Variants in RGS6 observed in about 807,000 individuals in gnomAD.
RGS6 encodes regulator of G-protein signaling 6.
A neutral mutation model predicts 78.5 loss-of-function variants in RGS6; 30 were observed. The ratio of observed to expected loss-of-function variants is 0.38; its 90% CI spans 0.29 to 0.52. The LOEUF (loss-of-function observed/expected upper bound fraction) is 0.52, where lower values mean the gene tolerates loss of function less well. RGS6 is among the 20% of genes least tolerant of loss of function. The pLI is 0.85. For synonymous variants in RGS6, 206 were observed against 206.0 expected (o/e 1.00, Z 0.00); for missense variants, 495 against 609.7 (o/e 0.81, Z 1.98).
chr14:72,031,982 C>T (rs1002697118), intron 2 of RGS6, among the ~76,000 whole-genome samples: 6 of 152,268 alleles, frequency 3.9e-5, no homozygotes, highest in Admixed American at 2.6e-4. Flanking sequence ...ACCATTCCTC[C>T]ACACTGCTCC....
At chr14:72,343,731 T>C (rs544958791) in intron 2 of RGS6, among the ~76,000 whole-genome samples, 1 of 152,208 alleles carries the variant, frequency 6.6e-6, no homozygotes, top group Non-Finnish European at 1.5e-5. Context: ...TGGAGCCAGC[T>C]CTGGTTCATG....
upstream of RGS6, among the ~76,000 whole-genome samples, chr14:71,931,056 C>T (rs2087822934): frequency 7.1e-6 from 1 of 141,606 alleles, no homozygotes; most frequent in Middle Eastern, 5.3e-3. Flanking sequence ...TAGTTGCTAC[C>T]TTTCGCTCCA....
At chr14:72,334,128 T>C (rs1184544468) in intron 2 of RGS6, among the ~76,000 whole-genome samples, 1 of 152,230 alleles carries the variant, frequency 6.6e-6, no homozygotes, top group Non-Finnish European at 1.5e-5. Flanking sequence ...ATATAATTGC[T>C]GTCCAGAAAG....
At chr14:72,188,384 C>T (rs540477217) in intron 2 of RGS6, among the ~76,000 whole-genome samples, 1 of 152,276 alleles carries the variant, frequency 6.6e-6, no homozygotes, top group African/African-American at 2.4e-5. Context: ...ACAGGCTAAC[C>T]TACCCCTTGG....
At chr14:72,052,955 T>C (rs1227633410) in intron 2 of RGS6, among the ~76,000 whole-genome samples, 5 of 39,776 alleles carry the variant, frequency 1.3e-4, no homozygotes, top group South Asian at 1.1e-3. Context: ...CTTTCTTTCT[T>C]TCTTTCTTTC....
At chr14:71,976,441 G>A (rs1386159461) in intron 2 of RGS6, among the ~76,000 whole-genome samples, 1 of 134,730 alleles carries the variant, frequency 7.4e-6, no homozygotes, top group African/African-American at 2.9e-5. Context: ...TCCCCAGAGT[G>A]TGATGTTCCC....
chr14:72,149,496 G>T (rs1228066349), intron 2 of RGS6, among the ~76,000 whole-genome samples: 1 of 152,122 alleles, frequency 6.6e-6, no homozygotes, highest in Non-Finnish European at 1.5e-5. Context: ...AAGTGGAGTG[G>T]TTGCTGTTGG....
Position 72,564,490 on chromosome 14 carries a change from T to C in RGS6, c.*2023T>C, listed in dbSNP as rs559098527. Reference sequence around the variant, plus strand: ...CTCATGTTTCAGAACAAAATTACAGTCTAAGTTCATTTGCCCCCAGCCTTG... The same window carrying C: ...CTCATGTTTCAGAACAAAATTACAGCCTAAGTTCATTTGCCCCCAGCCTTG... On this transcript the variant is annotated 3_prime_UTR_variant, in exon 18 of 18. Transcript: ENST00000553525. The C allele has an allele frequency of 2.6e-5, 4 of 152,256 alleles. No individual in the cohort carries two copies. In the East Asian group the frequency reaches 7.7e-4, roughly 29 times the overall value. 9.4% of individuals were successfully genotyped at this position (152,256 alleles called of 1,614,324 possible).
intron 3 of RGS6, among the ~76,000 whole-genome samples, chr14:72,405,056 TA>T (rs1442346344): frequency 6.6e-6 from 1 of 152,124 alleles, no homozygotes; most frequent in Non-Finnish European, 1.5e-5. Flanking sequence ...ACAGACTTTT[TA>T]AGATCAGTGT....
chr14:72,269,194 A>AC (rs76972093), intron 2 of RGS6, among the ~76,000 whole-genome samples: 21,255 of 151,910 alleles, frequency 0.14, 1,594 homozygotes, highest in East Asian at 0.21. Context: ...GCACTGTGAT[A>AC]CCCTTCTTCT....
At chr14:71,999,252 T>G (rs699358) in intron 2 of RGS6, among the ~76,000 whole-genome samples, 111,332 of 152,140 alleles carry the variant, frequency 0.73, 40,794 homozygotes, top group East Asian at 0.78. Context: ...GGTTATTTAG[T>G]TTTCAAAGTT....
intron 3 of RGS6, among the ~76,000 whole-genome samples, chr14:72,380,532 AAAG>A (rs1212791495): frequency 6.6e-6 from 1 of 152,152 alleles, no homozygotes; most frequent in Non-Finnish European, 1.5e-5. Flanking sequence ...GCATTTCTCA[AAAG>A]AAGACATACA....
At chr14:72,187,593 G>T (rs564842824) in intron 2 of RGS6, among the ~76,000 whole-genome samples, 1 of 152,254 alleles carries the variant, frequency 6.6e-6, no homozygotes, top group Non-Finnish European at 1.5e-5. Flanking sequence ...TATCAATCCA[G>T]CATGAAGGAG....
Position 72,454,419 on chromosome 14 carries a change from C to T in RGS6, c.185-109C>T, listed in dbSNP as rs537115225. 971 of 1,137,412 alleles carry T rather than the reference C, an allele frequency of 8.5e-4. 8 individuals are homozygous for T. The highest frequency in any genetic ancestry group is 5.1e-3 in the Middle Eastern group (26 of 5,130). The allele number at this position is 1,137,412 out of a possible 1,614,324, so 70.5% of individuals were successfully genotyped here. A position where few individuals can be genotyped will look rare whatever the true frequency, so the allele number is the denominator to read the frequency against. ...AAAAAAGTGCCCATATTATCCTGCT[C>T]TACAGTGTGGACTGTTTGGAATTAG... On this transcript the variant is annotated intron_variant, in intron 3 of 17. Coordinates refer to ENST00000553525, the MANE Select transcript of RGS6 (RefSeq NM_001204424.2).
chr14:72,453,586 A>C (rs1947200184), intron 3 of RGS6, among the ~76,000 whole-genome samples: 1 of 130,406 alleles, frequency 7.7e-6, no homozygotes, highest in Admixed American at 8.8e-5. Context: ...ACTGCACTCC[A>C]GCCTGGGCGA....
At chr14:72,303,054 C>T (rs2066459603) in intron 2 of RGS6, among the ~76,000 whole-genome samples, 2 of 152,174 alleles carry the variant, frequency 1.3e-5, no homozygotes, top group South Asian at 4.1e-4. Context: ...AACAGTGAGT[C>T]CATTAAACCT....
chr14:72,588,453 T>C, the RGS6 span, among the ~76,000 whole-genome samples: 404 of 152,286 alleles, frequency 2.7e-3, 3 homozygotes, highest in Non-Finnish European at 3.1e-3. Context: ...AATTAGATGT[T>C]CTGCATCATC....
At chr14:72,496,921 A>G (rs932834262) in intron 13 of RGS6, among the ~76,000 whole-genome samples, 3 of 152,228 alleles carry the variant, frequency 2.0e-5, no homozygotes, top group Non-Finnish European at 4.4e-5. Context: ...GTAAACACAT[A>G]TAGATCCACC....
At chr14:72,606,312 G>A in the RGS6 span, among the ~76,000 whole-genome samples, 1 of 152,058 alleles carries the variant, frequency 6.6e-6, no homozygotes, top group African/African-American at 2.4e-5. Context: ...TAAGTCTAGG[G>A]CTGACTTTAT....
Sources: allele counts gnomAD v4.1 joint callset (sites outside exome capture counted in the v4.1 genomes callset), GRCh38; gene constraint gnomAD v4.1.1; transcripts MANE v1.5; gene names NCBI Gene and HGNC (gene_info 2026-07-23, HGNC 2026-07-21).